Variants in SRP68 observed in about 807,000 individuals in gnomAD.
The protein encoded by SRP68 is signal recognition particle subunit SRP68.
Under a neutral mutation model 82.2 loss-of-function variants are expected in SRP68, and 15 were observed. The observed-to-expected ratio is 0.18, with a 90% CI of 0.12 to 0.28. The LOEUF (loss-of-function observed/expected upper bound fraction) is 0.28. Ranked by LOEUF, SRP68 falls within the 10% of genes least tolerant of loss-of-function variation. SRP68 has a pLI of 1.00. For missense variants in SRP68, 595 were observed against 780.5 expected (o/e 0.76, Z 2.83); for synonymous variants, 261 against 292.6 (o/e 0.89, Z 1.10).
At chr17:76,047,753 C>T (rs1012469510) in intron 10 of SRP68, among the ~76,000 whole-genome samples, 153 bp downstream of exon 10, 7 of 149,680 alleles carry the variant, frequency 4.7e-5, no homozygotes, top group African/African-American at 1.5e-4. Context: ...CACATCACTG[C>T]ACTCCAGCCT....
chr17:76,056,172 C>A (rs1374777681), intron 8 of SRP68, among the ~76,000 whole-genome samples: 1 of 152,118 alleles, frequency 6.6e-6, no homozygotes, highest in Non-Finnish European at 1.5e-5. Flanking sequence ...TGGTACGTGT[C>A]TGTAGCCCCA....
intron 8 of SRP68, among the ~76,000 whole-genome samples, chr17:76,051,167 A>C (rs2066669611): frequency 6.6e-6 from 1 of 152,198 alleles, no homozygotes; most frequent in Non-Finnish European, 1.5e-5. Context: ...TCTGAGAACA[A>C]TTTTTAGGAC....
chr17:76,056,411 A>G (rs2066714080), intron 8 of SRP68, among the ~76,000 whole-genome samples: 1 of 152,236 alleles, frequency 6.6e-6, no homozygotes, highest in South Asian at 2.1e-4. Context: ...ACCATACAAC[A>G]GTGCCAATAG....
chr17:76,066,464 A>C (rs80163815), intron 3 of SRP68, among the ~76,000 whole-genome samples: 1 of 36,456 alleles, frequency 2.7e-5, no homozygotes, highest in Non-Finnish European at 4.1e-5. Context: ...AAAAAAAAAA[A>C]CACACCACTC....
intron 10 of SRP68, among the ~76,000 whole-genome samples, chr17:76,046,777 TAAA>T (rs2066635640): frequency 6.6e-6 from 1 of 151,976 alleles, no homozygotes; most frequent in African/African-American, 2.4e-5. Flanking sequence ...CCGTCTCTAT[TAAA>T]AATACAAAAA....
intron 2 of SRP68, 39 bp from the exon 3 acceptor site, chr17:76,067,369 G>T (rs372510981): frequency 6.9e-7 from 1 of 1,459,276 alleles, no homozygotes; most frequent in East Asian, 2.3e-5. Flanking sequence ...CAGCCAAGCT[G>T]AGAGTATTTT....
In SRP68 at chr17:76,061,487, C is replaced by T; in HGVS notation, c.644+5G>A. 6.2e-7 allele frequency: 1 copy of T among 1,612,754 alleles called. No homozygotes were observed. Among genetic ancestry groups the T allele is most frequent in the Non-Finnish European group, 8.5e-7 (1 of 1,179,310 alleles). Reference sequence around the variant, plus strand: ...TGGCCACAGCCTTTGGACTATAGGACTTACTTGCATTTGTTAAAAGCCTCA... The same window carrying T: ...TGGCCACAGCCTTTGGACTATAGGATTTACTTGCATTTGTTAAAAGCCTCA... On this transcript the variant is annotated splice_donor_5th_base_variant and intron_variant, in intron 5 of 15. Coordinates refer to ENST00000307877, the MANE Select transcript of SRP68 (RefSeq NM_014230.4).
Position 76,072,515 on chromosome 17 carries a change from G to C in SRP68, c.-24C>G. ...ATCTTGCCCCTGCGCCGCAGAGCAA[G>C]ACGGGATAGGGGAGGCGGGACGACC... On this transcript the variant is annotated 5_prime_UTR_variant, in exon 1 of 16. Coordinates refer to ENST00000307877, the MANE Select transcript of SRP68 (RefSeq NM_014230.4). The surrounding 1 kb of genome is among the most constrained non-coding windows in gnomAD (Gnocchi z 4.5). 6.3e-7 allele frequency: 1 copy of C among 1,576,352 alleles called. No homozygotes were observed. The highest frequency in any genetic ancestry group is 8.5e-7 in the Non-Finnish European group (1 of 1,171,372).
At position 76,046,028 on chromosome 17, in the gene SRP68, C is replaced by T; in HGVS notation, c.1299+10G>A. On this transcript the variant is annotated intron_variant, in intron 11 of 15. Transcript: ENST00000307877. ...CACAGGCCCTTGCCTTCCCGGTCCTCAAGGGTCACCTGTAAGATGATGTCA... is the reference window on the plus strand; with the variant it reads ...CACAGGCCCTTGCCTTCCCGGTCCTTAAGGGTCACCTGTAAGATGATGTCA... The T allele has an allele frequency of 6.2e-7, 1 of 1,613,656 alleles. No individual in the cohort carries two copies. Among genetic ancestry groups the T allele is most frequent in the South Asian group, 1.1e-5 (1 of 91,054 alleles).
intron 12 of SRP68, chr17:76,045,062 T>G: frequency 1.2e-5 from 5 of 419,022 alleles, no homozygotes; most frequent in Non-Finnish European, 2.1e-5. Context: ...GTTTAACGTG[T>G]GTGCTCCACT....
chr17:76,059,536 G>C (rs994779042), intron 7 of SRP68, among the ~76,000 whole-genome samples: 1 of 151,928 alleles, frequency 6.6e-6, no homozygotes, highest in African/African-American at 2.4e-5. Flanking sequence ...GCAAGACTCC[G>C]ACTCTAAATA....
chr17:76,065,259 G>A (rs904026238), intron 3 of SRP68, among the ~76,000 whole-genome samples: 1 of 151,758 alleles, frequency 6.6e-6, no homozygotes, highest in Non-Finnish European at 1.5e-5. Flanking sequence ...AAACCAGCCT[G>A]GTCAGCACAG....
At chr17:76,055,357 T>C (rs1257482642) in intron 8 of SRP68, among the ~76,000 whole-genome samples, 1 of 152,172 alleles carries the variant, frequency 6.6e-6, no homozygotes, top group Non-Finnish European at 1.5e-5. Context: ...TCTATGGTGA[T>C]TTCTGAGACT....
intron 14 of SRP68, 94 bp downstream of exon 14, chr17:76,040,809 C>G: frequency 8.2e-7 from 1 of 1,220,762 alleles, no homozygotes; most frequent in Non-Finnish European, 1.2e-6. Context: ...CAAGACAACC[C>G]TTTCAACCTT....
chr17:76,070,231 A>AAAAC lies in SRP68; in HGVS notation c.251+146_251+147insGTTT, dbSNP rs1555630205. On this transcript the variant is annotated intron_variant, in intron 2 of 15. Coordinates refer to ENST00000307877, the MANE Select transcript of SRP68 (RefSeq NM_014230.4). ...GAGCGAGACTCCATCTCAAAAAAAA[A>AAAAC]AAAAAAAACAAAGCAAACAAACAAA... 7 of 694,834 alleles carry AAAAC rather than the reference A, an allele frequency of 1.0e-5. 1 individual carries two copies. The highest frequency in any genetic ancestry group is 2.5e-4 in the Middle Eastern group (1 of 3,926). The allele number at this position is 694,834 out of a possible 1,614,324, so 43.0% of individuals were successfully genotyped here. A position where few individuals can be genotyped will look rare whatever the true frequency, so the allele number is the denominator to read the frequency against.
intron 14 of SRP68, 22 bp downstream of exon 14, chr17:76,040,881 A>G (rs753257972): frequency 6.2e-7 from 1 of 1,612,776 alleles, no homozygotes; most frequent in East Asian, 2.2e-5. Flanking sequence ...CTGGGGATAC[A>G]AAGGCCAGGC....
In SRP68 at chr17:76,040,886, C is replaced by T; in HGVS notation, c.1600+17G>A. 2 of 1,613,016 alleles carry T rather than the reference C, an allele frequency of 1.2e-6. No individual in the cohort carries two copies. Among genetic ancestry groups the T allele is most frequent in the South Asian group, 1.1e-5 (1 of 91,026 alleles). On this transcript the variant is annotated intron_variant, in intron 14 of 15. Transcript: ENST00000307877. ...GAAGGGAAGTCTGGGGATACAAAGG[C>T]CAGGCAGGGGGCTCACCAAGGATGG...
chr17:76,068,102 C>T (rs2066820803), intron 2 of SRP68, among the ~76,000 whole-genome samples: 1 of 151,958 alleles, frequency 6.6e-6, no homozygotes, highest in African/African-American at 2.4e-5. Flanking sequence ...GACCAGCCTG[C>T]CCAACATGCA....
intron 10 of SRP68, among the ~76,000 whole-genome samples, chr17:76,047,124 G>C (rs1053067437): frequency 2.6e-5 from 4 of 152,042 alleles, no homozygotes; most frequent in African/African-American, 9.7e-5. Flanking sequence ...TCTCGTTTTT[G>C]TTTTGAGAAT....
Sources: gnomAD v4.1 joint callset for allele counts (sites outside exome capture counted in the v4.1 genomes callset) on GRCh38, gnomAD v4.1.1 for gene constraint, Gnocchi (gnomAD v3.1) non-coding constraint, MANE v1.5 for transcripts, NCBI Gene and HGNC (gene_info 2026-07-23, HGNC 2026-07-21) for gene names.